KCNIP4: variants seen among roughly 807,000 people sequenced by gnomAD.
The protein encoded by KCNIP4 is potassium voltage-gated channel interacting protein 4, also known as Kv channel-interacting protein 4.
A neutral mutation model predicts 34.0 loss-of-function variants in KCNIP4; 12 were observed. The observed-to-expected ratio is 0.35, with a 90% CI of 0.23 to 0.57. The LOEUF is 0.57. KCNIP4 is among the 20% of genes least tolerant of loss of function. The probability of loss-of-function intolerance (pLI) is 0.83; values close to 1 mark genes in which losing one functional copy is unlikely to be tolerated. For missense variants in KCNIP4, 238 were observed against 311.7 expected (o/e 0.76, Z 1.78); for synonymous variants, 124 against 102.2 (o/e 1.21, Z -1.29).
chr4:21,074,307 A>G (rs1377208011), intron 1 of KCNIP4, among the ~76,000 whole-genome samples: 4 of 152,152 alleles, frequency 2.6e-5, no homozygotes, highest in South Asian at 2.1e-4. Flanking sequence ...TATTGCCTCA[A>G]TTTCAGAGCC....
chr4:20,929,856 A>T (rs369158882), intron 1 of KCNIP4, among the ~76,000 whole-genome samples: 206 of 114,518 alleles, frequency 1.8e-3, no homozygotes, highest in African/African-American at 8.6e-3. Flanking sequence ...AACCTTTGAT[A>T]AAAAAAGTTG....
chr4:20,864,297 T>C (rs9291417), intron 2 of KCNIP4, among the ~76,000 whole-genome samples: 31,630 of 151,000 alleles, frequency 0.21, 3,571 homozygotes, highest in South Asian at 0.35. Context: ...TATGTACACA[T>C]ATGTATGCAT....
intron 1 of KCNIP4, among the ~76,000 whole-genome samples, chr4:21,139,971 A>G (rs1346948886): frequency 5.9e-5 from 9 of 152,158 alleles, no homozygotes; most frequent in African/African-American, 2.2e-4. Flanking sequence ...AGCTTCTCAC[A>G]CTGGGCTATG....
intron 1 of KCNIP4, among the ~76,000 whole-genome samples, chr4:21,223,078 T>A (rs1758097426): frequency 6.6e-6 from 1 of 152,140 alleles, no homozygotes; most frequent in Non-Finnish European, 1.5e-5. Flanking sequence ...ACTTTGTGAG[T>A]GTGACTAAGT....
At chr4:21,845,397 T>G (rs1279948568) in intron 1 of KCNIP4, 3 of 152,142 alleles carry the variant, frequency 2.0e-5, no homozygotes, top group African/African-American at 7.2e-5. Context: ...TTCTTGTAAC[T>G]TTTATCAACC....
At chr4:21,227,013 G>A (rs941275166) in intron 1 of KCNIP4, among the ~76,000 whole-genome samples, 3 of 152,130 alleles carry the variant, frequency 2.0e-5, no homozygotes, top group African/African-American at 4.8e-5. Context: ...GGCAACAAAC[G>A]GTGGTGCTTA....
intron 3 of KCNIP4, among the ~76,000 whole-genome samples, chr4:20,838,094 G>A (rs1376427149): frequency 6.6e-6 from 1 of 152,114 alleles, no homozygotes; most frequent in Non-Finnish European, 1.5e-5. Flanking sequence ...CCTTGCATGG[G>A]CTCTGTGCTG....
chr4:21,059,059 T>G (rs1051433162), intron 1 of KCNIP4, among the ~76,000 whole-genome samples: 1 of 152,144 alleles, frequency 6.6e-6, no homozygotes, highest in African/African-American at 2.4e-5. Context: ...GACGTCCCTT[T>G]GCTCTTCCTT....
intron 1 of KCNIP4, among the ~76,000 whole-genome samples, chr4:21,239,631 T>A (rs1489227345): frequency 6.6e-6 from 1 of 152,166 alleles, no homozygotes; most frequent in Non-Finnish European, 1.5e-5. Flanking sequence ...AAAATGCTCA[T>A]CATCACTGAC....
In KCNIP4 at chr4:20,953,590, G is replaced by A. The variant is rs1469989578; in HGVS notation, c.62-70881C>T. 2.0e-5 allele frequency among the ~76,000 whole-genome samples: 3 copies of A among 152,138 alleles called. No individual in the cohort carries two copies. In the East Asian group the frequency reaches 5.8e-4, roughly 29 times the overall value. ...CCGGCTACTTGAGAGGCTGAGGCAG[G>A]AGGATTGGTTGAGCCCGGGAGGCAG... On this transcript the variant is annotated intron_variant, in intron 1 of 8. Coordinates refer to ENST00000382152, the MANE Select transcript of KCNIP4 (RefSeq NM_025221.6).
intron 1 of KCNIP4, among the ~76,000 whole-genome samples, chr4:21,889,756 C>A (rs143711567): frequency 6.6e-6 from 1 of 152,246 alleles, no homozygotes; most frequent in African/African-American, 2.4e-5. Context: ...GACAGAGTAG[C>A]AGAGTGGCCC....
intron 1 of KCNIP4, among the ~76,000 whole-genome samples, chr4:21,204,295 G>A (rs2108961594): frequency 6.6e-6 from 1 of 152,256 alleles, no homozygotes; most frequent in African/African-American, 2.4e-5. Flanking sequence ...CCCAGCTATA[G>A]AATATTGGGA....
chr4:21,504,475 A>AAAAAAAAAAAAAAAAAAAAAAG (rs1264431211), intron 1 of KCNIP4, among the ~76,000 whole-genome samples: 3 of 101,850 alleles, frequency 2.9e-5, no homozygotes, highest in Non-Finnish European at 3.9e-5. Context: ...CAAAAAAAAA[A>AAAAAAAAAAAAAAAAAAAAAAG]AAAGAAAGAA....
At chr4:21,245,494 C>G (rs192572882) in intron 1 of KCNIP4, among the ~76,000 whole-genome samples, 2 of 152,200 alleles carry the variant, frequency 1.3e-5, no homozygotes, top group Admixed American at 1.3e-4. Flanking sequence ...GTATTTTGTG[C>G]TTCTGCTGTG....
chr4:21,384,146 G>A (rs1342172683), intron 1 of KCNIP4, among the ~76,000 whole-genome samples: 1 of 151,754 alleles, frequency 6.6e-6, no homozygotes, highest in Non-Finnish European at 1.5e-5. Context: ...TCCTCAGAAA[G>A]TCTCTAACTC....
intron 1 of KCNIP4, among the ~76,000 whole-genome samples, chr4:21,541,360 G>A (rs142507231): frequency 6.6e-6 from 1 of 152,176 alleles, no homozygotes; most frequent in African/African-American, 2.4e-5. Flanking sequence ...ACATTCCTAT[G>A]CTGATAAACC....
intron 1 of KCNIP4, among the ~76,000 whole-genome samples, chr4:21,548,469 A>G (rs1433197699): frequency 3.3e-5 from 5 of 152,090 alleles, no homozygotes; most frequent in African/African-American, 4.8e-5. Flanking sequence ...AAAGTCTTCT[A>G]TTTCAATAGT....
intron 3 of KCNIP4, among the ~76,000 whole-genome samples, chr4:20,844,328 A>C (rs886199698): frequency 4.6e-5 from 7 of 152,234 alleles, no homozygotes; most frequent in African/African-American, 1.7e-4. Flanking sequence ...ATAGCATTTT[A>C]ACTCTGTTCT....
At chr4:21,826,087 G>A (rs955061791) in intron 1 of KCNIP4, among the ~76,000 whole-genome samples, 7 of 152,080 alleles carry the variant, frequency 4.6e-5, no homozygotes, top group Admixed American at 6.6e-5. Context: ...GATACCTAGC[G>A]AGCCAAAAAA....
Sources: gnomAD v4.1 joint callset for allele counts (sites outside exome capture counted in the v4.1 genomes callset) on GRCh38, gnomAD v4.1.1 for gene constraint, MANE v1.5 for transcripts, NCBI Gene and HGNC (gene_info 2026-07-23, HGNC 2026-07-21) for gene names.